BICC1: variants seen among roughly 807,000 people sequenced by gnomAD.
BICC1 encodes protein bicaudal C homolog 1.
BICC1 carries 43 observed loss-of-function variants against 111.0 expected under a neutral mutation model. The observed-to-expected ratio is 0.39, with a 90% CI of 0.30 to 0.50. The LOEUF is 0.50. Among genes scored for constraint, BICC1 ranks in the 20% least tolerant of loss-of-function variants. BICC1 has a pLI of 0.88. For synonymous variants in BICC1, 467 were observed against 434.4 expected (o/e 1.07, Z -0.93); for missense variants, 1,091 against 1,203.2 (o/e 0.91, Z 1.38).
intron 1 of BICC1, among the ~76,000 whole-genome samples, chr10:58,595,207 T>G (rs1423486053): frequency 1.3e-5 from 2 of 152,196 alleles, no homozygotes; most frequent in Non-Finnish European, 2.9e-5. Flanking sequence ...ATACCCAGAT[T>G]CATAAAGCAA....
chr10:58,552,600 T>C (rs1314440417), intron 1 of BICC1, among the ~76,000 whole-genome samples: 1 of 152,086 alleles, frequency 6.6e-6, no homozygotes, highest in Non-Finnish European at 1.5e-5. Context: ...GTCCCAAAGT[T>C]CTGGGATTAC....
chr10:58,584,053 GAAACACAC>G (rs1308765324), intron 1 of BICC1, among the ~76,000 whole-genome samples: 1 of 74,400 alleles, frequency 1.3e-5, no homozygotes, highest in Non-Finnish European at 2.6e-5. Flanking sequence ...ATGTAAACAT[GAAACACAC>G]ACACACACAC....
chr10:58,697,327 T>C (rs565364309), intron 2 of BICC1, among the ~76,000 whole-genome samples: 8 of 152,356 alleles, frequency 5.3e-5, no homozygotes, highest in Non-Finnish European at 8.8e-5. Flanking sequence ...GTAGCATTCA[T>C]AAAATTATCT....
intron 2 of BICC1, among the ~76,000 whole-genome samples, chr10:58,647,447 A>G (rs1838303272): frequency 6.6e-6 from 1 of 152,188 alleles, no homozygotes; most frequent in Non-Finnish European, 1.5e-5. Context: ...GTTTGGAAGA[A>G]CTTAAAGATA....
rs368630597 is a variant in BICC1 at position 58,817,099 on chromosome 10, A to G, written c.2534-463A>G. ...AGCAGGATTTATGTGTTGCAATACC[A>G]TACAATTCCTTTGACCAAAGGAAAG... On this transcript the variant is annotated intron_variant, in intron 18 of 20. Coordinates refer to ENST00000373886, the MANE Select transcript of BICC1 (RefSeq NM_001080512.3). Among the ~76,000 whole-genome samples the G allele has an allele frequency of 3.9e-5, 6 of 152,258 alleles. No individual in the cohort carries two copies. In the East Asian group the frequency reaches 7.7e-4, roughly 20 times the overall value.
intron 1 of BICC1, among the ~76,000 whole-genome samples, chr10:58,584,130 A>C (rs1004447312): frequency 1.3e-5 from 2 of 151,812 alleles, no homozygotes; most frequent in Non-Finnish European, 2.9e-5. Context: ...CACCTGCGCT[A>C]TGTTGACATT....
chr10:58,616,493 G>C (rs2132123307), intron 1 of BICC1, among the ~76,000 whole-genome samples: 1 of 152,178 alleles, frequency 6.6e-6, no homozygotes, highest in South Asian at 2.1e-4. Context: ...GCCAGGTGGG[G>C]GTGTAAAGCC....
intron 3 of BICC1, among the ~76,000 whole-genome samples, chr10:58,747,081 C>A (rs893243899): frequency 1.3e-5 from 2 of 152,086 alleles, no homozygotes; most frequent in Non-Finnish European, 2.9e-5. Context: ...GGTTGGTCAG[C>A]CAGGTCTGTC....
intron 2 of BICC1, among the ~76,000 whole-genome samples, chr10:58,695,373 C>T (rs1211889148): frequency 1.3e-5 from 2 of 152,140 alleles, no homozygotes; most frequent in Non-Finnish European, 1.5e-5. Flanking sequence ...AAACAGCCTC[C>T]TCCATGAGGG....
chr10:58,580,933 T>G (rs1026416217), intron 1 of BICC1, among the ~76,000 whole-genome samples: 2 of 152,202 alleles, frequency 1.3e-5, no homozygotes, highest in African/African-American at 4.8e-5. Context: ...GAAAAAATTA[T>G]GTGACAACCT....
rs570464032 is a variant in BICC1 at position 58,751,120 on chromosome 10, A to C, written c.308-33881A>C. Among the ~76,000 whole-genome samples, 12 of 152,300 alleles carry C rather than the reference A, an allele frequency of 7.9e-5. No homozygotes were observed. In the East Asian group the frequency reaches 1.9e-3, roughly 25 times the overall value. Reference sequence around the variant, plus strand: ...AGCCATAGAAGGATAGCAGTTCTGCAAGTCTCCAGTAACTATTCTTAATTC... The same window carrying C: ...AGCCATAGAAGGATAGCAGTTCTGCCAGTCTCCAGTAACTATTCTTAATTC... On this transcript the variant is annotated intron_variant, in intron 3 of 20. Transcript: ENST00000373886.
intron 14 of BICC1, among the ~76,000 whole-genome samples, chr10:58,802,524 C>T (rs1309541191): frequency 6.6e-6 from 1 of 152,176 alleles, no homozygotes; most frequent in African/African-American, 2.4e-5. Context: ...CACTTTTACG[C>T]TCTGCCTGTC....
chr10:58,700,159 A>G (rs369691798), intron 2 of BICC1, among the ~76,000 whole-genome samples: 2 of 152,194 alleles, frequency 1.3e-5, no homozygotes, highest in East Asian at 1.9e-4. Context: ...TCCACTTGCA[A>G]TAAGGGTTAG....
At chr10:58,547,174 A>G (rs1392320616) in intron 1 of BICC1, among the ~76,000 whole-genome samples, 1 of 152,070 alleles carries the variant, frequency 6.6e-6, no homozygotes, top group Non-Finnish European at 1.5e-5. Flanking sequence ...CTTTATTCAG[A>G]TTTCCTTAGT....
intron 2 of BICC1, among the ~76,000 whole-genome samples, chr10:58,641,252 C>T (rs548940999): frequency 3.3e-5 from 5 of 152,294 alleles, no homozygotes; most frequent in East Asian, 1.9e-4. Context: ...CTCTATCATG[C>T]GATGGCTGCT....
chr10:58,760,939 A>G (rs1418387106), intron 3 of BICC1, among the ~76,000 whole-genome samples: 2 of 152,170 alleles, frequency 1.3e-5, no homozygotes, highest in Non-Finnish European at 1.5e-5. Context: ...AGGACCCCAA[A>G]GGGTGTTCTC....
chr10:58,772,597 A>G (rs1390037061), intron 3 of BICC1, among the ~76,000 whole-genome samples: 1 of 152,198 alleles, frequency 6.6e-6, no homozygotes, highest in Non-Finnish European at 1.5e-5. Flanking sequence ...AAAATTCCAC[A>G]CTACTTACAG....
At chr10:58,753,961 A>G (rs4600158) in intron 3 of BICC1, among the ~76,000 whole-genome samples, 7,184 of 152,134 alleles carry the variant, frequency 0.047, 602 homozygotes, top group African/African-American at 0.16. Context: ...CATACTCACC[A>G]TATGATAGGA....
intron 2 of BICC1, among the ~76,000 whole-genome samples, chr10:58,625,141 C>T (rs1328955045): frequency 4.6e-5 from 7 of 152,198 alleles, no homozygotes; most frequent in Non-Finnish European, 8.8e-5. Context: ...CAGTACTCTC[C>T]GTCCACTCCT....
Sources: allele counts gnomAD v4.1 joint callset (sites outside exome capture counted in the v4.1 genomes callset), GRCh38; gene constraint gnomAD v4.1.1; transcripts MANE v1.5; gene names NCBI Gene and HGNC (gene_info 2026-07-23, HGNC 2026-07-21).